The following DSG2 variants were observed in gnomAD, a reference collection of about 807,000 sequenced individuals.
DSG2 encodes the protein desmoglein 2.
A neutral mutation model predicts 75.6 loss-of-function variants in DSG2; 45 were observed. That is an observed-to-expected ratio of 0.60 (90% CI 0.47 to 0.76). The LOEUF is 0.76. Among genes scored for constraint, DSG2 ranks in the 30% least tolerant of loss-of-function variants. The probability of loss-of-function intolerance (pLI) is 0.00; values close to 1 mark genes in which losing one functional copy is unlikely to be tolerated. For missense variants in DSG2, 1,267 were observed against 1,357.4 expected (o/e 0.93, Z 1.05); for synonymous variants, 429 against 483.9 (o/e 0.89, Z 1.49).
At chr18:31,514,925 G>C (rs1202535370) in intron 1 of DSG2, among the ~76,000 whole-genome samples, 1 of 152,066 alleles carries the variant, frequency 6.6e-6, no homozygotes, top group Non-Finnish European at 1.5e-5. Flanking sequence ...CATGACACTT[G>C]GTCAGAATAA....
intron 6 of DSG2, among the ~76,000 whole-genome samples, chr18:31,523,379 C>A (rs556285369): frequency 6.6e-6 from 1 of 152,046 alleles, no homozygotes; most frequent in South Asian, 2.1e-4. Context: ...CCAGCCTGGG[C>A]AACAGAGCAA....
rs747081365 is a variant in DSG2, at chr18:31,520,970, A to T, written c.378+6A>T. Reference sequence around the variant, plus strand: ...AAGAAACACCATTTTTTCTGGTAAGAAGAATAATTTTAGATTTATTAGTTT... The same window carrying T: ...AAGAAACACCATTTTTTCTGGTAAGTAGAATAATTTTAGATTTATTAGTTT... On this transcript the variant is annotated splice_donor_region_variant and intron_variant, in intron 4 of 14. Transcript: ENST00000261590. The T allele has an allele frequency of 6.8e-6, 11 of 1,613,036 alleles. No homozygotes were observed. The East Asian group carries it at 2.5e-4, about 36-fold the overall frequency.
intron 8 of DSG2, among the ~76,000 whole-genome samples, chr18:31,526,861 C>G (rs537204505): frequency 6.6e-6 from 1 of 152,190 alleles, no homozygotes; most frequent in Non-Finnish European, 1.5e-5. Flanking sequence ...AGCTAAGGCT[C>G]ATTACAAAAG....
Position 31,546,375 on chromosome 18 carries a change from G to T in DSG2, c.2989G>T (p.Gly997Cys), listed in dbSNP as rs1203880394. 8.1e-6 allele frequency: 13 copies of T among 1,614,046 alleles called. No individual in the cohort carries two copies. The highest frequency in any genetic ancestry group is 1.1e-5 in the Non-Finnish European group (13 of 1,179,950). ...TGAAAGAGTAATACAGCCTCATGGG[G>T]GTGGATCGAATCCTCTGGAAGGCAC... ...VTERVIQPHG[G>C]GSNPLEGTQH... The change falls in exon 15 of 15, where the codon GGT (glycine) becomes TGT (cysteine). Residue 997 changes from glycine (G) to cysteine (C), a missense_variant. Coordinates refer to ENST00000261590, the MANE Select transcript of DSG2 (RefSeq NM_001943.5).
chr18:31,536,577 A>G (rs1180574262), intron 11 of DSG2, 148 bp downstream of exon 11: 3 of 815,728 alleles, frequency 3.7e-6, no homozygotes, highest in East Asian at 2.7e-5. Flanking sequence ...CTACTGACAT[A>G]TAGTATCTTT....
intron 1 of DSG2, among the ~76,000 whole-genome samples, chr18:31,503,782 C>T (rs1437957077): frequency 6.6e-6 from 1 of 152,082 alleles, no homozygotes; most frequent in African/African-American, 2.4e-5. Context: ...AGCCTGACTG[C>T]CACAGGGAGA....
chr18:31,499,758 C>T (rs1371402731), intron 1 of DSG2, among the ~76,000 whole-genome samples: 1 of 152,050 alleles, frequency 6.6e-6, no homozygotes, highest in East Asian at 1.9e-4. Context: ...AATAATGTAG[C>T]AATCAGGCCA....
intron 1 of DSG2, among the ~76,000 whole-genome samples, chr18:31,507,542 C>A (rs2073045162): frequency 6.6e-6 from 1 of 152,218 alleles, no homozygotes; most frequent in East Asian, 1.9e-4. Context: ...ACAGTCCCAC[C>A]AACAGTGTAA....
rs538531524 is a variant in DSG2 at position 31,541,006 on chromosome 18, G to A, written c.1880-187G>A. Among the ~76,000 whole-genome samples, 167 of 152,212 alleles carry A rather than the reference G, an allele frequency of 1.1e-3. 1 individual carries two copies. Among genetic ancestry groups the A allele is most frequent in the Admixed American group, 3.3e-3 (51 of 15,278 alleles). The stretch of plus-strand genomic sequence containing the variant: ...TGTAAGACTCCCTCATCCTGCCTTC[G>A]GGTTTTGGAGTAATTCACCCAAAAC... On this transcript the variant is annotated intron_variant, in intron 12 of 14. Transcript: ENST00000261590.
At chr18:31,532,904 CTGTTTTGTT>C (rs538986459) in intron 9 of DSG2, among the ~76,000 whole-genome samples, 180 of 139,294 alleles carry the variant, frequency 1.3e-3, no homozygotes, top group African/African-American at 4.6e-3. Flanking sequence ...CTTTTGGCTG[CTGTTTTGTT>C]TGTTTGTTTG....
At chr18:31,519,709 G>A in intron 2 of DSG2, 94 bp from the exon 3 acceptor site, 2 of 1,326,494 alleles carry the variant, frequency 1.5e-6, no homozygotes, top group East Asian at 4.8e-5. Flanking sequence ...CTTAAAATTT[G>A]CACTATTTAA....
At chr18:31,542,105 C>T in intron 13 of DSG2, 1 of 262,832 alleles carries the variant, frequency 3.8e-6, no homozygotes, top group South Asian at 4.8e-5. Context: ...TCACATTGAC[C>T]ACAGTTTAGT....
At position 31,542,656 on chromosome 18, in the gene DSG2, A is replaced by C. The variant is rs1296782634; in HGVS notation, c.2138A>C (p.Glu713Ala). 6.2e-7 allele frequency: 1 copy of C among 1,614,074 alleles called. No individual in the cohort carries two copies. The highest frequency in any genetic ancestry group is 8.5e-7 in the Non-Finnish European group (1 of 1,180,040). Residue 713 changes from glutamate (E) to alanine (A), a missense_variant, in exon 14 of 15, where the codon GAG (glutamate) becomes GCG (alanine). Glu to Ala is a moderately radical substitution (Grantham distance 107). Coordinates refer to ENST00000261590, the MANE Select transcript of DSG2 (RefSeq NM_001943.5). Reference protein sequence around the residue: ...SIVKGQHEMSEMDGRWEEHRS... With the variant: ...SIVKGQHEMSAMDGRWEEHRS... ...GTCAAAGGGCAACATGAGATGTCCG[A>C]GATGGATGGAAGGTGGGAAGAACAC...
chr18:31,500,414 A>G (rs1364488946), intron 1 of DSG2, among the ~76,000 whole-genome samples: 3 of 152,166 alleles, frequency 2.0e-5, no homozygotes, highest in Non-Finnish European at 2.9e-5. Flanking sequence ...AGACCCATGC[A>G]TGCCACATCT....
rs369877556 is a variant in DSG2, at chr18:31,535,146, A to G, written c.1281-124A>G. The G allele has an allele frequency of 4.0e-6, 3 of 748,694 alleles. No homozygotes were observed. In the Admixed American group the frequency reaches 7.9e-5, roughly 20 times the overall value. The allele number at this position is 748,694 out of a possible 1,614,324, so 46.4% of individuals were successfully genotyped here. Reference sequence around the variant, plus strand: ...GGTTTTGCAAAATTAAAAACATTCAAAACAAATGCCTGTAATAAGAACATA... The same window carrying G: ...GGTTTTGCAAAATTAAAAACATTCAGAACAAATGCCTGTAATAAGAACATA... On this transcript the variant is annotated intron_variant, in intron 9 of 14. Coordinates refer to ENST00000261590, the MANE Select transcript of DSG2 (RefSeq NM_001943.5).
At chr18:31,536,125 T>C in intron 10 of DSG2, 77 bp from the exon 11 acceptor site, 1 of 1,424,470 alleles carries the variant, frequency 7.0e-7, no homozygotes, top group Non-Finnish European at 9.8e-7. Flanking sequence ...CACTCCAAAT[T>C]GGCAAGGGAA....
chr18:31,535,339 A>G lies in DSG2; in HGVS notation c.1350A>G (p.Ala450=), dbSNP rs758346096. 1.2e-6 allele frequency: 2 copies of G among 1,609,992 alleles called. No homozygotes were observed. Among genetic ancestry groups the G allele is most frequent in the Non-Finnish European group, 8.5e-7 (1 of 1,176,886 alleles). The part of the protein sequence containing the change: ...VDSVTSEIKL[A]KLPDFESRYV... ...CTGTCACATCTGAAATTAAACTTGC[A>G]AAACTTCCTGATTTTGAATCTAGAT... Residue 450 remains alanine, a synonymous_variant, in exon 10 of 15, where the codon GCA becomes GCG. Transcript: ENST00000261590.
In DSG2 at chr18:31,530,418, T is replaced by C. The variant is rs576206949; in HGVS notation, c.1015-569T>C. On this transcript the variant is annotated intron_variant, in intron 8 of 14. Coordinates refer to ENST00000261590, the MANE Select transcript of DSG2 (RefSeq NM_001943.5). ...ATATATATACACATATCTATAGATA[T>C]GTGTGTGTGTATGTTTTGAGACAGG... Among the ~76,000 whole-genome samples, 3 of 151,580 alleles carry C rather than the reference T, an allele frequency of 2.0e-5. No individual in the cohort carries two copies. In the South Asian group the frequency reaches 6.2e-4, roughly 32 times the overall value.
intron 9 of DSG2, among the ~76,000 whole-genome samples, chr18:31,534,872 C>T (rs962253916): frequency 1.3e-5 from 2 of 152,198 alleles, no homozygotes; most frequent in African/African-American, 2.4e-5. Context: ...CAATAAACAA[C>T]AGAACATAAG....
Sources: allele counts gnomAD v4.1 joint callset (sites outside exome capture counted in the v4.1 genomes callset), GRCh38; gene constraint gnomAD v4.1.1; transcripts MANE v1.5; gene names NCBI Gene and HGNC (gene_info 2026-07-23, HGNC 2026-07-21).